Variants in PRKCH observed in about 807,000 individuals in gnomAD.
PRKCH encodes the protein protein kinase C eta, also known as protein kinase C eta type.
Under a neutral mutation model 82.5 loss-of-function variants are expected in PRKCH, and 28 were observed. The ratio of observed to expected loss-of-function variants is 0.34; its 90% CI spans 0.25 to 0.47. The LOEUF (loss-of-function observed/expected upper bound fraction) is 0.47. Ranked by LOEUF, PRKCH falls within the 20% of genes least tolerant of loss-of-function variation. The pLI is 1.00. For synonymous variants in PRKCH, 322 were observed against 327.4 expected (o/e 0.98, Z 0.18); for missense variants, 705 against 881.8 (o/e 0.80, Z 2.54).
chr14:61,406,335 G>A (rs1881951860), intron 2 of PRKCH, among the ~76,000 whole-genome samples: 1 of 152,242 alleles, frequency 6.6e-6, no homozygotes, highest in African/African-American at 2.4e-5. Context: ...TGTTAGGGGG[G>A]CACATGAGAC....
At position 61,549,929 on chromosome 14, in the gene PRKCH, C is replaced by A. The variant is rs371217143; in HGVS notation, c.*98C>A. ...GACCTTCCCAGCATCAGCCTTAGAA[C>A]AAGAACCTTACCTTCAAGGAGCAAG... is the stretch of plus-strand genomic sequence containing the variant. On this transcript the variant is annotated 3_prime_UTR_variant, in exon 14 of 14. Transcript: ENST00000332981. 2.2e-6 allele frequency: 3 copies of A among 1,339,184 alleles called. No individual in the cohort carries two copies. In the East Asian group the frequency reaches 6.9e-5, roughly 31 times the overall value. 83.0% of individuals were successfully genotyped at this position (1,339,184 alleles called of 1,614,324 possible). A position where few individuals can be genotyped will look rare whatever the true frequency, so the allele number is the denominator to read the frequency against.
intron 1 of PRKCH, among the ~76,000 whole-genome samples, chr14:61,192,749 C>A (rs1270763918): frequency 6.6e-6 from 1 of 152,192 alleles, no homozygotes; most frequent in East Asian, 1.9e-4. Context: ...TAAGGCCAAC[C>A]AAATGTTGAT....
chr14:61,470,261 G>A (rs11623383), intron 9 of PRKCH, among the ~76,000 whole-genome samples: 20,106 of 151,718 alleles, frequency 0.13, 2,877 homozygotes, highest in African/African-American at 0.36. Context: ...GGGGTTGGGA[G>A]GTTTAAAGCA....
intron 7 of PRKCH, among the ~76,000 whole-genome samples, chr14:61,454,827 G>T (rs1884683108): frequency 6.6e-6 from 1 of 152,154 alleles, no homozygotes; most frequent in African/African-American, 2.4e-5. Context: ...CTAGAGATGG[G>T]AAATAGCCAT....
chr14:61,359,282 T>C (rs1035161212), intron 1 of PRKCH, among the ~76,000 whole-genome samples: 2 of 152,188 alleles, frequency 1.3e-5, no homozygotes, highest in African/African-American at 2.4e-5. Flanking sequence ...CAGCCACCCC[T>C]GAAGTAGACA....
intron 1 of PRKCH, among the ~76,000 whole-genome samples, chr14:61,323,239 C>T (rs2045654341): frequency 6.6e-6 from 1 of 152,148 alleles, no homozygotes; most frequent in South Asian, 2.1e-4. Context: ...GCAGCTCTCC[C>T]CTTGCCTCTG....
intron 1 of PRKCH, among the ~76,000 whole-genome samples, chr14:61,362,356 A>C (rs1162477244): frequency 6.6e-6 from 1 of 151,866 alleles, no homozygotes; most frequent in Non-Finnish European, 1.5e-5. Context: ...AAAAAAAAAA[A>C]AAAGGAAACA....
At chr14:61,462,551 G>A (rs571777620) in intron 9 of PRKCH, among the ~76,000 whole-genome samples, 27 of 152,340 alleles carry the variant, frequency 1.8e-4, no homozygotes, top group Non-Finnish European at 3.4e-4. Flanking sequence ...TCTGTTGGAA[G>A]TCCTTATTTA....
chr14:61,456,140 G>A (rs1884756678), intron 7 of PRKCH, among the ~76,000 whole-genome samples: 1 of 152,194 alleles, frequency 6.6e-6, no homozygotes, highest in Non-Finnish European at 1.5e-5. Flanking sequence ...ACATGCATTT[G>A]TTCATTTAGG....
chr14:61,253,705 T>C (rs774523959), intron 1 of PRKCH, among the ~76,000 whole-genome samples: 5 of 152,224 alleles, frequency 3.3e-5, no homozygotes, highest in Non-Finnish European at 5.9e-5. Context: ...TATACTGGTT[T>C]CTAATCTGAC....
rs555038489 is a variant in PRKCH, at chr14:61,474,005, A to AAT, written c.1279-11496_1279-11495insTA. 6.1e-3 allele frequency among the ~76,000 whole-genome samples: 927 copies of AAT among 152,246 alleles called. 9 individuals carry two copies. Among genetic ancestry groups the AAT allele is most frequent in the African/African-American group, 0.021 (891 of 41,518 alleles). On this transcript the variant is annotated intron_variant, in intron 9 of 13. Coordinates refer to ENST00000332981, the MANE Select transcript of PRKCH (RefSeq NM_006255.5). ...CGAGACTCTGTCTTAAAAAAAAAAA[A>AAT]AATCAAAAATCTTTTAGTAGATGTT...
At chr14:61,482,203 C>A (rs1426823713) in intron 9 of PRKCH, among the ~76,000 whole-genome samples, 1 of 151,992 alleles carries the variant, frequency 6.6e-6, no homozygotes, top group Admixed American at 6.6e-5. Context: ...CACCACGTTG[C>A]CCAGGCTGGT....
At chr14:61,427,587 TTTTG>T (rs1350282587) in intron 2 of PRKCH, among the ~76,000 whole-genome samples, 11 of 152,108 alleles carry the variant, frequency 7.2e-5, no homozygotes, top group Admixed American at 2.0e-4. Flanking sequence ...TCTTTGGTTG[TTTTG>T]TTTGTTTGTT....
chr14:61,452,378 T>C (rs1161797401), intron 6 of PRKCH, among the ~76,000 whole-genome samples: 1 of 152,106 alleles, frequency 6.6e-6, no homozygotes, highest in Admixed American at 6.5e-5. Context: ...GATCTGTGTG[T>C]GCTTCCAAGA....
chr14:61,407,304 T>C (rs963434774), intron 2 of PRKCH, among the ~76,000 whole-genome samples: 1 of 152,198 alleles, frequency 6.6e-6, no homozygotes, highest in African/African-American at 2.4e-5. Context: ...CTAAATACCC[T>C]ACCATTCTGA....
intron 2 of PRKCH, among the ~76,000 whole-genome samples, chr14:61,432,962 A>G (rs147423471): frequency 2.7e-5 from 4 of 145,992 alleles, no homozygotes; most frequent in East Asian, 4.0e-4. Context: ...GGTTTGTTAC[A>G]TAAGTATACG....
At chr14:61,540,908 G>A (rs2043175231) in intron 12 of PRKCH, among the ~76,000 whole-genome samples, 1 of 152,192 alleles carries the variant, frequency 6.6e-6, no homozygotes. Context: ...CTAGACTTGG[G>A]AAGATTACAG....
chr14:61,448,991 G>C (rs1394073555), intron 4 of PRKCH, among the ~76,000 whole-genome samples, 173 bp from the exon 5 acceptor site: 2 of 152,252 alleles, frequency 1.3e-5, no homozygotes, highest in Middle Eastern at 3.4e-3. Flanking sequence ...CTGAGCAAAG[G>C]TCTGTGTTAG....
intron 2 of PRKCH, among the ~76,000 whole-genome samples, chr14:61,438,804 G>C (rs1382679366): frequency 2.0e-5 from 3 of 152,194 alleles, no homozygotes; most frequent in African/African-American, 7.2e-5. Context: ...CAAGCATGGG[G>C]TGACAGTCCA....
Sources: gnomAD v4.1 joint callset for allele counts (sites outside exome capture counted in the v4.1 genomes callset) on GRCh38, gnomAD v4.1.1 for gene constraint, MANE v1.5 for transcripts, NCBI Gene and HGNC (gene_info 2026-07-23, HGNC 2026-07-21) for gene names.